RELCH: variants seen among roughly 807,000 people sequenced by gnomAD.
RELCH encodes the protein RAB11-binding protein RELCH.
In RELCH, 41 loss-of-function variants were observed where a neutral mutation model predicts 150.3. The observed-to-expected ratio is 0.27, with a 90% CI of 0.21 to 0.35. The LOEUF (loss-of-function observed/expected upper bound fraction) is 0.35, where lower values mean the gene tolerates loss of function less well. RELCH is among the 10% of genes least tolerant of loss of function. The pLI is 1.00. For synonymous variants in RELCH, 478 were observed against 531.8 expected, an observed-to-expected ratio of 0.90 and a Z score of 1.39; for missense variants, 1,092 against 1,467.8, an observed-to-expected ratio of 0.74 and a Z score of 4.18.
At chr18:62,254,526 G>C (rs1419990956) in intron 12 of RELCH, among the ~76,000 whole-genome samples, 1 of 152,102 alleles carries the variant, frequency 6.6e-6, no homozygotes, top group Non-Finnish European at 1.5e-5. Flanking sequence ...TACTTTTGAG[G>C]TAACTACATC....
intron 28 of RELCH, among the ~76,000 whole-genome samples, chr18:62,304,584 A>G (rs867041654): frequency 1.3e-5 from 2 of 152,328 alleles, no homozygotes; most frequent in Middle Eastern, 6.8e-3. Context: ...TGTTTTACAG[A>G]TGAGGAAACT....
chr18:62,238,096 A>T (rs1218560285), intron 10 of RELCH, among the ~76,000 whole-genome samples: 1 of 151,906 alleles, frequency 6.6e-6, no homozygotes, highest in Admixed American at 6.6e-5. Context: ...CTATCATAAG[A>T]TACACCCATA....
At chr18:62,292,108 C>G (rs928366994) in intron 27 of RELCH, among the ~76,000 whole-genome samples, 4 of 152,130 alleles carry the variant, frequency 2.6e-5, no homozygotes, top group African/African-American at 9.7e-5. Flanking sequence ...GTTTGACTCT[C>G]CACTCCTAAA....
chr18:62,274,150 G>A (rs2044064936), intron 21 of RELCH, 64 bp downstream of exon 21: 3 of 1,017,406 alleles, frequency 2.9e-6, no homozygotes, highest in South Asian at 1.4e-5. Context: ...GATTTATAGA[G>A]TACATATTTT....
chr18:62,268,273 A>G (rs2043697140), intron 19 of RELCH, among the ~76,000 whole-genome samples: 1 of 152,050 alleles, frequency 6.6e-6, no homozygotes, highest in Admixed American at 6.6e-5. Context: ...TGTATAAGAA[A>G]ATCTCTTACA....
intron 2 of RELCH, among the ~76,000 whole-genome samples, chr18:62,214,612 G>A (rs979980134): frequency 2.0e-5 from 3 of 152,062 alleles, no homozygotes; most frequent in African/African-American, 4.8e-5. Flanking sequence ...TGGGCCCCCA[G>A]GCTTCCCAAT....
chr18:62,200,286 A>G (rs762382432), intron 1 of RELCH, among the ~76,000 whole-genome samples: 11 of 152,202 alleles, frequency 7.2e-5, no homozygotes, highest in African/African-American at 2.7e-4. Context: ...CTTAATTCCA[A>G]TGATTCATAA....
chr18:62,253,072 T>A (rs1286317159), intron 12 of RELCH, among the ~76,000 whole-genome samples: 2 of 152,150 alleles, frequency 1.3e-5, no homozygotes, highest in Admixed American at 1.3e-4. Flanking sequence ...TGCTATTTTG[T>A]AGTAATTTAT....
chr18:62,287,458 T>C lies in RELCH; in HGVS notation c.3361T>C (p.Ser1121Pro), dbSNP rs754194005. The C allele has an allele frequency of 1.3e-6, 2 of 1,537,450 alleles. No individual in the cohort carries two copies. The highest frequency in any genetic ancestry group is 1.1e-5 in the South Asian group (1 of 88,408). The change falls in exon 26 of 29, where the codon TCC (serine) becomes CCC (proline). Residue 1121 changes from serine to proline, a missense_variant. Ser to Pro is a moderately conservative substitution (Grantham distance 74, BLOSUM62 -1). Coordinates refer to ENST00000644646, the MANE Select transcript of RELCH (RefSeq NM_001346231.2). The stretch of plus-strand genomic sequence containing the variant: ...TCTTTTTGAAGCCTACAGTGCACTT[T>C]CCTGTTGTTGTATCCTTGTTTTATT... ...THLFEAYSAL[S>P]CCFISEDLMV... is the part of the protein sequence containing the mutation.
At chr18:62,193,664 A>G (rs2038813022) in intron 1 of RELCH, among the ~76,000 whole-genome samples, 3 of 152,284 alleles carry the variant, frequency 2.0e-5, no homozygotes, top group South Asian at 4.1e-4. Context: ...GATGAATTAC[A>G]TTACTGATTT....
chr18:62,287,239 C>T, intron 25 of RELCH, 112 bp from the exon 26 acceptor site: 2 of 646,580 alleles, frequency 3.1e-6, no homozygotes, highest in East Asian at 2.8e-5. Flanking sequence ...TGAAGTCATT[C>T]AGAATTAAAA....
In RELCH at chr18:62,306,248, C is replaced by G. The variant is rs1806702231; in HGVS notation, c.*714C>G. The G allele has an allele frequency of 1.3e-5, 2 of 152,186 alleles. No individual in the cohort carries two copies. Among genetic ancestry groups the G allele is most frequent in the Admixed American group, 1.3e-4 (2 of 15,276 alleles). The allele number at this position is 152,186 out of a possible 1,614,324, so 9.4% of individuals were successfully genotyped here. A position where few individuals can be genotyped will look rare whatever the true frequency, so the allele number is the denominator to read the frequency against. On this transcript the variant is annotated 3_prime_UTR_variant, in exon 29 of 29. Transcript: ENST00000644646. ...TGGACTTACCTGAGGAAAGACAGCACATAGGCATGGGGAGAGGTAACCAAG... is the reference window on the plus strand; with the variant it reads ...TGGACTTACCTGAGGAAAGACAGCAGATAGGCATGGGGAGAGGTAACCAAG...
chr18:62,228,571 A>C lies in RELCH; in HGVS notation c.1421A>C (p.Lys474Thr), dbSNP rs1333075506. The change falls in exon 8 of 29, where the codon AAG becomes ACG. Residue 474 changes from lysine to threonine, a missense_variant. Lys to Thr is a moderately conservative substitution (Grantham distance 78). Around this residue, in one of 4 missense-constraint regions of RELCH, gnomAD observed 707 missense variants for 1,025.4 expected, o/e 0.69. Transcript: ENST00000644646. Reference sequence around the variant, plus strand: ...CCACCTTCTTCTCTATCAAGTAAAAAGACAGTTCATTTTGATAAACCTAAT... The same window carrying C: ...CCACCTTCTTCTCTATCAAGTAAAACGACAGTTCATTTTGATAAACCTAAT... ...GMPPSSLSSK[K>T]TVHFDKPNRK... 3 of 1,611,430 alleles carry C rather than the reference A, an allele frequency of 1.9e-6. No homozygotes were observed. Among genetic ancestry groups the C allele is most frequent in the Non-Finnish European group, 2.5e-6 (3 of 1,178,830 alleles).
intron 8 of RELCH, among the ~76,000 whole-genome samples, chr18:62,229,007 T>G (rs539324264): frequency 6.6e-6 from 1 of 152,156 alleles, no homozygotes; most frequent in East Asian, 1.9e-4. Context: ...TTTTTTTTCC[T>G]GTGTCTGCTT....
chr18:62,239,364 GTCTT>G (rs1041226260), intron 10 of RELCH, among the ~76,000 whole-genome samples: 17 of 148,106 alleles, frequency 1.1e-4, no homozygotes, highest in African/African-American at 3.7e-4. Flanking sequence ...TCTTTGTAAT[GTCTT>G]TCTTTATTGG....
Position 62,221,514 on chromosome 18 carries a change from T to C in RELCH, c.858+17T>C. ...GATGATCAGGTAAAGTTACTTTTTG[T>C]TTTTACAGTGATTTTTTTCTACACT... On this transcript the variant is annotated intron_variant, in intron 5 of 28. Transcript: ENST00000644646. The C allele has an allele frequency of 8.2e-7, 1 of 1,225,596 alleles. No individual in the cohort carries two copies. Among genetic ancestry groups the C allele is most frequent in the Non-Finnish European group, 1.1e-6 (1 of 878,628 alleles). 75.9% of individuals were successfully genotyped at this position (1,225,596 alleles called of 1,614,324 possible).
intron 26 of RELCH, among the ~76,000 whole-genome samples, chr18:62,291,332 T>C (rs894213189): frequency 6.6e-6 from 1 of 152,216 alleles, no homozygotes; most frequent in African/African-American, 2.4e-5. Context: ...CTGACATAAA[T>C]AGCTTTGTGT....
chr18:62,229,702 A>G (rs748022789), intron 8 of RELCH, among the ~76,000 whole-genome samples: 7 of 152,108 alleles, frequency 4.6e-5, no homozygotes, highest in Non-Finnish European at 1.0e-4. Context: ...TCTTCAGAGC[A>G]GGAAAGTTTC....
At chr18:62,269,555 G>C (rs1055059830) in intron 20 of RELCH, 4 of 232,334 alleles carry the variant, frequency 1.7e-5, no homozygotes, top group Admixed American at 4.4e-5. Context: ...GCATGAAACA[G>C]TTTGTGTACA....
Sources: gnomAD v4.1 joint callset for allele counts (sites outside exome capture counted in the v4.1 genomes callset) on GRCh38, gnomAD v4.1.1 for gene constraint, gnomAD v4.1.1 regional missense constraint, MANE v1.5 for transcripts, NCBI Gene and HGNC (gene_info 2026-07-23, HGNC 2026-07-21) for gene names.